PTPRD: variants seen among roughly 807,000 people sequenced by gnomAD.
PTPRD encodes the protein protein tyrosine phosphatase receptor type D, also known as receptor-type tyrosine-protein phosphatase delta.
Under a neutral mutation model 214.5 loss-of-function variants are expected in PTPRD, and 34 were observed. The ratio of observed to expected loss-of-function variants is 0.16; its 90% CI spans 0.12 to 0.21. The LOEUF is 0.21. Ranked by LOEUF, PTPRD falls within the 10% of genes least tolerant of loss-of-function variation. The probability of loss-of-function intolerance (pLI) is 1.00; values close to 1 mark genes in which losing one functional copy is unlikely to be tolerated. For missense variants in PTPRD, 2,545 were observed against 2,398.7 expected (o/e 1.06, Z -1.27); for synonymous variants, 1,128 against 845.7 (o/e 1.33, Z -5.79).
intron 10 of PTPRD, among the ~76,000 whole-genome samples, chr9:9,044,455 C>T (rs1194587382): frequency 1.3e-5 from 2 of 152,210 alleles, no homozygotes; most frequent in East Asian, 3.8e-4. Context: ...TATGAGATTC[C>T]TCACTGCCTC....
intron 10 of PTPRD, among the ~76,000 whole-genome samples, chr9:9,126,041 C>G (rs12003631): frequency 3.9e-5 from 6 of 152,194 alleles, no homozygotes; most frequent in African/African-American, 1.4e-4. Context: ...CATTGCCAAC[C>G]AGGGAAGAAT....
intron 2 of PTPRD, among the ~76,000 whole-genome samples, chr9:10,560,262 C>G (rs1365760520): frequency 1.3e-5 from 2 of 152,082 alleles, no homozygotes; most frequent in Non-Finnish European, 1.5e-5. Flanking sequence ...TTTGTAGGGA[C>G]ATGGATGAAA....
intron 3 of PTPRD, among the ~76,000 whole-genome samples, chr9:10,097,419 A>C (rs1433201135): frequency 6.7e-6 from 1 of 149,780 alleles, no homozygotes; most frequent in Admixed American, 6.7e-5. Flanking sequence ...TTCCTTGAGC[A>C]GTGTTTTGTA....
chr9:9,068,269 C>A (rs982026617), intron 10 of PTPRD, among the ~76,000 whole-genome samples: 2 of 152,076 alleles, frequency 1.3e-5, no homozygotes, highest in African/African-American at 4.8e-5. Context: ...ATCTGGGCTG[C>A]TTACAGTGTT....
chr9:9,931,685 A>G (rs895921427), intron 5 of PTPRD, among the ~76,000 whole-genome samples: 7 of 151,172 alleles, frequency 4.6e-5, no homozygotes, highest in African/African-American at 7.3e-5. Context: ...TGCTTAGGTA[A>G]ACAAAGCAGC....
At chr9:10,197,946 T>TTA (rs1177018306) in intron 3 of PTPRD, among the ~76,000 whole-genome samples, 6 of 152,148 alleles carry the variant, frequency 3.9e-5, no homozygotes. Context: ...AATACTTCTA[T>TTA]GAAGTATAAG....
chr9:8,979,569 G>T (rs564881137), intron 11 of PTPRD, among the ~76,000 whole-genome samples: 1 of 152,164 alleles, frequency 6.6e-6, no homozygotes, highest in Admixed American at 6.6e-5. Flanking sequence ...ACTTAAAAAT[G>T]GGCAAAGGAC....
At chr9:8,469,202 G>A (rs576891668) in intron 31 of PTPRD, among the ~76,000 whole-genome samples, 1 of 152,132 alleles carries the variant, frequency 6.6e-6, no homozygotes, top group South Asian at 2.1e-4. Context: ...TTGCAAGAAA[G>A]TTCAAAGTCA....
intron 10 of PTPRD, among the ~76,000 whole-genome samples, chr9:9,048,039 A>G (rs2099676518): frequency 1.3e-5 from 2 of 152,226 alleles, no homozygotes. Flanking sequence ...GCAAACAGGC[A>G]TAAGAAAAGG....
At chr9:8,483,778 CAAAACAAAAACAAAAACA>C (rs71500958) in intron 30 of PTPRD, among the ~76,000 whole-genome samples, 1 of 151,356 alleles carries the variant, frequency 6.6e-6, no homozygotes, top group Admixed American at 6.6e-5. Flanking sequence ...GACTCCGTCT[CAAAACAAAAACAAAAACA>C]AAAACAAAAA....
chr9:9,823,853 T>C (rs2051670932), intron 5 of PTPRD, among the ~76,000 whole-genome samples: 1 of 151,974 alleles, frequency 6.6e-6, no homozygotes, highest in Non-Finnish European at 1.5e-5. Flanking sequence ...TTCAAAATAA[T>C]TAGAGGAGCA....
At chr9:8,982,158 T>G (rs1448142940) in intron 11 of PTPRD, among the ~76,000 whole-genome samples, 1 of 152,010 alleles carries the variant, frequency 6.6e-6, no homozygotes, top group Non-Finnish European at 1.5e-5. Flanking sequence ...AGGAAAATAT[T>G]ACTACACAAT....
At chr9:10,471,329 A>T (rs1398537441) in intron 2 of PTPRD, among the ~76,000 whole-genome samples, 1 of 152,042 alleles carries the variant, frequency 6.6e-6, no homozygotes, top group South Asian at 2.1e-4. Flanking sequence ...TAAAATGTCA[A>T]TCTCTACTGA....
intron 4 of PTPRD, among the ~76,000 whole-genome samples, chr9:9,983,472 A>G (rs138881148): frequency 1.4e-4 from 22 of 152,360 alleles, no homozygotes; most frequent in African/African-American, 4.6e-4. Context: ...GCTGGCAAGT[A>G]TTTTGTAAAG....
intron 8 of PTPRD, among the ~76,000 whole-genome samples, chr9:9,431,257 A>G (rs2082987281): frequency 6.6e-6 from 1 of 152,234 alleles, no homozygotes; most frequent in Admixed American, 6.5e-5. Flanking sequence ...ATGAACAAAC[A>G]CTTCTCAAAA....
chr9:8,890,285 A>G lies in PTPRD; in HGVS notation c.-104+128412T>C, dbSNP rs145746646. Among the ~76,000 whole-genome samples, 444 of 152,374 alleles carry G rather than the reference A, an allele frequency of 2.9e-3. 3 individuals carry two copies. The highest frequency in any genetic ancestry group is 9.8e-3 in the African/African-American group (409 of 41,596). On this transcript the variant is annotated intron_variant, in intron 11 of 45. Transcript: ENST00000381196. ...AAAATACAGAAGGGTAACATTACCT[A>G]GATACATCAGGAAACAGTTTCTTTT... is the stretch of plus-strand genomic sequence containing the variant.
At chr9:8,890,666 A>G (rs1211741292) in intron 11 of PTPRD, among the ~76,000 whole-genome samples, 1 of 152,102 alleles carries the variant, frequency 6.6e-6, no homozygotes, top group Non-Finnish European at 1.5e-5. Flanking sequence ...TTTTCTTCCT[A>G]TTTTGTGGTA....
chr9:9,633,843 T>A (rs867706247), intron 7 of PTPRD, among the ~76,000 whole-genome samples: 1 of 152,250 alleles, frequency 6.6e-6, no homozygotes, highest in African/African-American at 2.4e-5. Context: ...TCTTTTCCAG[T>A]GCAAATCATT....
chr9:9,145,296 T>C (rs2099866768), intron 10 of PTPRD, among the ~76,000 whole-genome samples: 1 of 152,212 alleles, frequency 6.6e-6, no homozygotes. Context: ...CCACTGCTAC[T>C]AGAAAGATCA....
Sources: allele counts gnomAD v4.1 joint callset (sites outside exome capture counted in the v4.1 genomes callset), GRCh38; gene constraint gnomAD v4.1.1; transcripts MANE v1.5; gene names NCBI Gene and HGNC (gene_info 2026-07-23, HGNC 2026-07-21).